C2CD5: variants seen among roughly 807,000 people sequenced by gnomAD.
The protein encoded by C2CD5 is C2 calcium dependent domain containing 5, also known as C2 domain-containing protein 5.
A neutral mutation model predicts 130.3 loss-of-function variants in C2CD5; 109 were observed. The observed-to-expected ratio is 0.84, with a 90% confidence interval of 0.72 to 0.98. The LOEUF is 0.98. C2CD5 is among the 50% of genes least tolerant of loss of function. The pLI, the probability that C2CD5 is intolerant of heterozygous loss-of-function variation, is 0.00. For missense variants in C2CD5, 996 were observed against 1,261.8 expected (o/e 0.79, Z 3.19); for synonymous variants, 454 against 429.2 (o/e 1.06, Z -0.71).
intron 2 of C2CD5, among the ~76,000 whole-genome samples, chr12:22,538,510 C>A (rs1208095147): frequency 6.6e-6 from 1 of 152,118 alleles, no homozygotes; most frequent in Non-Finnish European, 1.5e-5. Context: ...TTTACGAATA[C>A]GCTTTATGGA....
chr12:22,479,369 C>A (rs562065119), intron 14 of C2CD5, among the ~76,000 whole-genome samples: 1 of 151,480 alleles, frequency 6.6e-6, no homozygotes, highest in Non-Finnish European at 1.5e-5. Context: ...TCACTGGGCC[C>A]GGACCTACCT....
intron 12 of C2CD5, among the ~76,000 whole-genome samples, chr12:22,486,157 T>G (rs1009058187): frequency 1.3e-5 from 2 of 148,768 alleles, no homozygotes; most frequent in Non-Finnish European, 1.5e-5. Flanking sequence ...CTGCTACTTA[T>G]CCTGTCTTTT....
Position 22,540,433 on chromosome 12 carries a change from G to GT in C2CD5, c.90+3627dup, listed in dbSNP as rs987665260. On this transcript the variant is annotated intron_variant, in intron 2 of 26. Transcript: ENST00000446597. ...CTAAAATGTAAGTTCCGTGAATGAA[G>GT]TTTTTTTAAATTTATTGCTATATCC... Among the ~76,000 whole-genome samples the GT allele has an allele frequency of 7.2e-5, 11 of 152,298 alleles. No homozygotes were observed. The East Asian group carries it at 2.1e-3, about 29-fold the overall frequency.
intron 2 of C2CD5, among the ~76,000 whole-genome samples, chr12:22,539,803 G>A (rs1384071367): frequency 6.6e-6 from 1 of 152,090 alleles, no homozygotes; most frequent in East Asian, 1.9e-4. Context: ...AGACCAGTCT[G>A]GGCAACATGG....
chr12:22,484,168 T>C (rs1198859219), intron 13 of C2CD5, among the ~76,000 whole-genome samples: 1 of 152,146 alleles, frequency 6.6e-6, no homozygotes, highest in African/African-American at 2.4e-5. Context: ...AAATAATTAA[T>C]GGTGTCACTA....
intron 12 of C2CD5, among the ~76,000 whole-genome samples, chr12:22,487,172 A>G (rs1213140938): frequency 6.6e-6 from 1 of 152,146 alleles, no homozygotes; most frequent in African/African-American, 2.4e-5. Context: ...AAAACACCAA[A>G]AGCAATGGCA....
chr12:22,517,856 G>A, intron 8 of C2CD5, 130 bp downstream of exon 8: 1 of 616,950 alleles, frequency 1.6e-6, no homozygotes, highest in Admixed American at 3.1e-5. Flanking sequence ...AACTGAAAAT[G>A]GTCAGTATTC....
intron 10 of C2CD5, chr12:22,497,649 A>G (rs955564334): frequency 5.6e-6 from 5 of 889,798 alleles, no homozygotes; most frequent in Non-Finnish European, 6.7e-6. Flanking sequence ...GAAATTAGAG[A>G]GTTCAGGTTC....
intron 26 of C2CD5, 31 bp downstream of exon 26, chr12:22,453,865 C>T (rs371452438): frequency 2.0e-5 from 32 of 1,602,552 alleles, no homozygotes; most frequent in African/African-American, 1.1e-4. Flanking sequence ...CTCAGGTTCC[C>T]GCCAATCAGG....
chr12:22,503,980 A>T (rs1226832676), intron 10 of C2CD5, among the ~76,000 whole-genome samples: 2 of 152,180 alleles, frequency 1.3e-5, no homozygotes, highest in Non-Finnish European at 2.9e-5. Context: ...GAGAATTTCT[A>T]AATGTGAGCT....
chr12:22,479,418 CA>C (rs200919824), intron 14 of C2CD5, among the ~76,000 whole-genome samples: 1,544 of 147,038 alleles, frequency 0.011, 13 homozygotes, highest in East Asian at 0.037. Flanking sequence ...TTAAAAATAG[CA>C]AAAAAAAAAT....
intron 12 of C2CD5, among the ~76,000 whole-genome samples, chr12:22,487,277 A>C (rs1044217300): frequency 1.3e-5 from 2 of 152,174 alleles, no homozygotes; most frequent in African/African-American, 4.8e-5. Flanking sequence ...CAACCTACAG[A>C]ATGGGAGAAA....
In C2CD5 at chr12:22,484,818, GA is replaced by G. The variant is rs1472453916; in HGVS notation, c.1428del (p.Pro477GlnfsTer23). On this transcript the variant is annotated frameshift_variant, in exon 13 of 27. Transcript: ENST00000446597. LOFTEE classifies it high-confidence loss of function. ...HIPYDELNMPFPAHLTYCYNC... is the reference protein window; with the variant it reads ...HIPYDELNMPXPAHLTYCYNC... ...TTATAGCAATATGTGAGATGAGCTGGAAATGGCATATTCAGTTCATCATATG... is the reference window on the plus strand; with the variant it reads ...TTATAGCAATATGTGAGATGAGCTGGAATGGCATATTCAGTTCATCATATG... 1 of 1,608,372 alleles carries G rather than the reference GA, an allele frequency of 6.2e-7. No individual in the cohort carries two copies. The highest frequency in any genetic ancestry group is 8.5e-7 in the Non-Finnish European group (1 of 1,176,698).
chr12:22,470,302 A>T (rs1003800230), intron 21 of C2CD5, among the ~76,000 whole-genome samples: 2 of 152,124 alleles, frequency 1.3e-5, no homozygotes, highest in Non-Finnish European at 1.5e-5. Context: ...AAACTATACA[A>T]GAAAGTATAG....
chr12:22,492,461 C>G (rs1946474015), intron 11 of C2CD5, among the ~76,000 whole-genome samples: 1 of 152,084 alleles, frequency 6.6e-6, no homozygotes, highest in South Asian at 2.1e-4. Context: ...TAAGGCGGAA[C>G]AGTTTCAAGT....
chr12:22,506,622 G>T, intron 10 of C2CD5, 89 bp downstream of exon 10: 1 of 745,144 alleles, frequency 1.3e-6, no homozygotes, highest in Non-Finnish European at 2.4e-6. Flanking sequence ...TCTCTTTTCA[G>T]TTAGATTTGG....
intron 25 of C2CD5, 137 bp downstream of exon 25, chr12:22,456,834 T>C: frequency 1.8e-6 from 1 of 546,536 alleles, no homozygotes; most frequent in Non-Finnish European, 3.2e-6. Flanking sequence ...AAATAAACTC[T>C]AGACTCAATC....
At chr12:22,520,847 C>T (rs972893741) in intron 7 of C2CD5, among the ~76,000 whole-genome samples, 12 of 151,844 alleles carry the variant, frequency 7.9e-5, no homozygotes, top group African/African-American at 2.2e-4. Flanking sequence ...AAGAAAAAAA[C>T]TTAGGAAGTA....
At chr12:22,543,985 G>T in intron 2 of C2CD5, 76 bp downstream of exon 2, 1 of 1,126,278 alleles carries the variant, frequency 8.9e-7, no homozygotes, top group Non-Finnish European at 1.3e-6. Flanking sequence ...AGGCTGAGGG[G>T]CTGGGGGCGA....
Sources: gnomAD v4.1 joint callset for allele counts (sites outside exome capture counted in the v4.1 genomes callset) on GRCh38, gnomAD v4.1.1 for gene constraint, MANE v1.5 for transcripts, NCBI Gene and HGNC (gene_info 2026-07-23, HGNC 2026-07-21) for gene names.